EIF4G1: variants seen among roughly 807,000 people sequenced by gnomAD.
EIF4G1 encodes eukaryotic translation initiation factor 4 gamma 1.
EIF4G1 carries 4 observed loss-of-function variants against 187.8 expected under a neutral mutation model. The observed-to-expected ratio is 0.02, with a 90% confidence interval of 0.01 to 0.05. EIF4G1 has a LOEUF of 0.05. Among genes scored for constraint, EIF4G1 ranks in the 10% least tolerant of loss-of-function variants. EIF4G1 has a pLI of 1.00. For synonymous variants in EIF4G1, 844 were observed against 781.4 expected (o/e 1.08, Z -1.34); for missense variants, 1,647 against 2,081.1 (o/e 0.79, Z 4.06).
chr3:184,315,941 C>G, intron 3 of EIF4G1, 85 bp downstream of exon 3: 1 of 1,499,112 alleles, frequency 6.7e-7, no homozygotes, highest in Non-Finnish European at 9.0e-7. Flanking sequence ...CCATCTGTGT[C>G]AGGGCAAAGT....
chr3:184,332,157 T>C, intron 32 of EIF4G1, 71 bp downstream of exon 32: 1 of 1,593,530 alleles, frequency 6.3e-7, no homozygotes, highest in South Asian at 1.1e-5. Context: ...AGACCCTTCA[T>C]GGAAGGGTCT....
At chr3:184,320,781 C>G in intron 8 of EIF4G1, 59 bp downstream of exon 8, 1 of 1,610,544 alleles carries the variant, frequency 6.2e-7, no homozygotes, top group Non-Finnish European at 8.5e-7. Flanking sequence ...CCTGGACTCC[C>G]AAGTCCCTGG....
At chr3:184,318,428 G>GTGACCAGGTC (rs1169311114) in intron 6 of EIF4G1, among the ~76,000 whole-genome samples, 9 of 152,042 alleles carry the variant, frequency 5.9e-5, no homozygotes, top group African/African-American at 1.9e-4. Flanking sequence ...ACCAGCCTGG[G>GTGACCAGGTC]AAACTTAGTG....
At chr3:184,326,667 C>T (rs1485188025) in intron 22 of EIF4G1, 38 bp downstream of exon 22, 1 of 1,602,242 alleles carries the variant, frequency 6.2e-7, no homozygotes, top group Admixed American at 1.7e-5. Flanking sequence ...GGTTACCCGT[C>T]AGAGCTCCCT....
chr3:184,316,085 C>T (rs545277269), intron 3 of EIF4G1, 47 bp from the exon 4 acceptor site: 4 of 1,612,314 alleles, frequency 2.5e-6, no homozygotes, highest in Non-Finnish European at 3.4e-6. Flanking sequence ...GGGTTTCTGC[C>T]CCACCTGGGC....
intron 1 of EIF4G1, 80 bp from the exon 2 acceptor site, chr3:184,315,409 C>T (rs757261809): frequency 1.2e-4 from 66 of 537,836 alleles, no homozygotes; most frequent in South Asian, 2.8e-4. Flanking sequence ...GAGCCTGGTG[C>T]CAGCGAGACC....
intron 28 of EIF4G1, 22 bp downstream of exon 28, chr3:184,329,012 A>T: frequency 6.2e-7 from 1 of 1,613,796 alleles, no homozygotes; most frequent in Non-Finnish European, 8.5e-7. Flanking sequence ...CCAGGAGTCC[A>T]GAGATGCCTC....
intron 28 of EIF4G1, 37 bp downstream of exon 28, chr3:184,329,027 G>T: frequency 6.2e-7 from 1 of 1,612,418 alleles, no homozygotes; most frequent in South Asian, 1.1e-5. Flanking sequence ...TGCCTCCCAC[G>T]GTGTGGTTTT....
intron 11 of EIF4G1, 25 bp downstream of exon 11, chr3:184,322,475 G>T (rs1354354630): frequency 1.1e-5 from 18 of 1,611,074 alleles, no homozygotes; most frequent in Non-Finnish European, 1.5e-5. Context: ...AATGGGAGGG[G>T]AGAGGGCCAA....
In EIF4G1 at chr3:184,325,816, T is replaced by C; in HGVS notation, c.3122-35T>C. Reference sequence around the variant, plus strand: ...AAGGGGAAGGGGCTGCTAGGATTTATTCATTATTCCAGTATGCCCCTCTTT... The same window carrying C: ...AAGGGGAAGGGGCTGCTAGGATTTACTCATTATTCCAGTATGCCCCTCTTT... On this transcript the variant is annotated intron_variant, in intron 20 of 32. Coordinates refer to ENST00000346169, the MANE Select transcript of EIF4G1 (RefSeq NM_198241.3). The surrounding 1 kb of genome is among the most constrained non-coding windows in gnomAD (Gnocchi z 5.2). 1 of 1,613,886 alleles carries C rather than the reference T, an allele frequency of 6.2e-7. No homozygotes were observed. Among genetic ancestry groups the C allele is most frequent in the Middle Eastern group, 1.6e-4 (1 of 6,062 alleles).
intron 26 of EIF4G1, 121 bp from the exon 27 acceptor site, chr3:184,328,510 T>G (rs1577242448): frequency 7.2e-7 from 1 of 1,379,790 alleles, no homozygotes; most frequent in Non-Finnish European, 1.0e-6. Flanking sequence ...GAAATAATTG[T>G]CCCCATGTCT....
In EIF4G1 at chr3:184,322,816, T is replaced by C; in HGVS notation, c.1796-5T>C. On this transcript the variant is annotated splice_polypyrimidine_tract_variant and splice_region_variant and intron_variant, in intron 12 of 32. Transcript: ENST00000346169. ...TATGATTGCTTCATTCTGTTTTCCT[T>C]GCAGATCAGTGGAAGCCTCTAAACC... 1 of 1,614,236 alleles carries C rather than the reference T, an allele frequency of 6.2e-7. No homozygotes were observed. The highest frequency in any genetic ancestry group is 2.2e-5 in the East Asian group (1 of 44,886).
chr3:184,320,326 C>A, intron 7 of EIF4G1: 5 of 1,313,132 alleles, frequency 3.8e-6, no homozygotes, highest in Non-Finnish European at 4.9e-6. Context: ...AGATGGGGGT[C>A]CTGGGCCCCA....
At chr3:184,319,461 GTGTGTT>G (rs1388605501) in intron 6 of EIF4G1, among the ~76,000 whole-genome samples, 1,470 of 15,396 alleles carry the variant, frequency 0.095, 26 homozygotes, top group African/African-American at 0.25. Flanking sequence ...GTGTGTGTGT[GTGTGTT>G]TGTGTGTGTG....
At chr3:184,324,167 TA>T (rs769033100) in intron 16 of EIF4G1, 33 bp from the exon 17 acceptor site, 1 of 1,614,092 alleles carries the variant, frequency 6.2e-7, no homozygotes, top group African/African-American at 1.3e-5. Flanking sequence ...TGCCCAGGAC[TA>T]GTCTTGAGTG....
chr3:184,327,884 G>A lies in EIF4G1; in HGVS notation c.3835G>A (p.Val1279Ile). 1.2e-6 allele frequency: 2 copies of A among 1,613,902 alleles called. No individual in the cohort carries two copies. Among genetic ancestry groups the A allele is most frequent in the Non-Finnish European group, 1.7e-6 (2 of 1,180,034 alleles). Residue 1279 changes from valine to isoleucine, a missense_variant, in exon 26 of 33, where the codon GTA becomes ATA. Coordinates refer to ENST00000346169, the MANE Select transcript of EIF4G1 (RefSeq NM_198241.3). Reference protein sequence around the residue: ...LASPSLLFIFVRHGVESTLER... With the variant: ...LASPSLLFIFIRHGVESTLER... ...CTCACCCTCCTTGCTCTTCATCTTT[G>A]TACGGCATGGTGTCGAGTCTACGCT... is the stretch of plus-strand genomic sequence containing the variant.
At position 184,328,897 on chromosome 3, in the gene EIF4G1, CTCT is replaced by C. The variant is rs775753594; in HGVS notation, c.4080-7_4080-5del. The C allele has an allele frequency of 5.0e-6, 8 of 1,614,172 alleles. No homozygotes were observed. The highest frequency in any genetic ancestry group is 6.8e-6 in the Non-Finnish European group (8 of 1,180,026). The stretch of plus-strand genomic sequence containing the variant: ...TGGAGGCTGTCAGCATTAGGTTTTT[CTCT>C]TCTTGTAGGGAGATTACAAAGCCTC... On this transcript the variant is annotated splice_polypyrimidine_tract_variant and intron_variant, in intron 27 of 32. Coordinates refer to ENST00000346169, the MANE Select transcript of EIF4G1 (RefSeq NM_198241.3).
intron 10 of EIF4G1, 115 bp from the exon 11 acceptor site, chr3:184,322,247 G>T (rs1277204350): frequency 6.5e-7 from 1 of 1,527,038 alleles, no homozygotes; most frequent in East Asian, 2.3e-5. Flanking sequence ...AGCCTAAAAA[G>T]GGTGATGCAA....
At position 184,322,416 on chromosome 3, in the gene EIF4G1, A is replaced by G; in HGVS notation, c.1574A>G (p.Glu525Gly). 1.2e-6 allele frequency: 2 copies of G among 1,614,212 alleles called. No homozygotes were observed. Among genetic ancestry groups the G allele is most frequent in the Non-Finnish European group, 1.7e-6 (2 of 1,180,044 alleles). Residue 525 changes from glutamate (E) to glycine (G), a missense_variant, in exon 11 of 33, where the codon GAG becomes GGG. By Grantham distance (98) the Glu-to-Gly change is moderately conservative. Transcript: ENST00000346169. ...AAAATTAAGGAGCTAAATAAGAAGG[A>G]GGCTGTTGGAGACCTTCTGGATGCC... ...RRKIKELNKK[E>G]AVGDLLDAFK...
Sources: allele counts gnomAD v4.1 joint callset (sites outside exome capture counted in the v4.1 genomes callset), GRCh38; gene constraint gnomAD v4.1.1; non-coding constraint Gnocchi (gnomAD v3.1); transcripts MANE v1.5; gene names NCBI Gene and HGNC (gene_info 2026-07-23, HGNC 2026-07-21).